The following MON2 variants were observed in gnomAD, a reference collection of about 807,000 sequenced individuals.
MON2 encodes the protein protein MON2 homolog.
A neutral mutation model predicts 208.6 loss-of-function variants in MON2; 84 were observed. The observed-to-expected ratio is 0.40, with a 90% CI of 0.34 to 0.48. The LOEUF (loss-of-function observed/expected upper bound fraction) is 0.48. Ranked by LOEUF, MON2 falls within the 20% of genes least tolerant of loss-of-function variation. The pLI is 0.59. For synonymous variants in MON2, 660 were observed against 694.0 expected (o/e 0.95, Z 0.77); for missense variants, 1,611 against 2,015.4 (o/e 0.80, Z 3.84).
In MON2 at chr12:62,594,485, C is replaced by G. The variant is rs576336008; in HGVS notation, c.*1736C>G. On this transcript the variant is annotated 3_prime_UTR_variant, in exon 35 of 35. Transcript: ENST00000393630. ...TTCCTTAAAGTTGTAAAAAATCAAG[C>G]TATGTACTTATTTTCTATATTTGGG... The G allele has an allele frequency of 3.7e-4, 56 of 152,230 alleles. No individual in the cohort carries two copies. The highest frequency in any genetic ancestry group is 1.3e-3 in the African/African-American group (56 of 41,544). The allele number at this position is 152,230 out of a possible 1,614,324, so 9.4% of individuals were successfully genotyped here. A position where few individuals can be genotyped will look rare whatever the true frequency, so the allele number is the denominator to read the frequency against.
At chr12:62,548,218 G>T (rs1014843435) in intron 22 of MON2, among the ~76,000 whole-genome samples, 6 of 152,192 alleles carry the variant, frequency 3.9e-5, no homozygotes, top group African/African-American at 9.7e-5. Flanking sequence ...GGCTACAAGT[G>T]CTCACTAGAA....
At chr12:62,496,061 A>G (rs1166607818) in intron 4 of MON2, among the ~76,000 whole-genome samples, 4 of 152,200 alleles carry the variant, frequency 2.6e-5, no homozygotes, top group African/African-American at 9.6e-5. Context: ...TAGCTTTATT[A>G]TAATTTGCAT....
chr12:62,501,381 T>TAAA (rs2070822359), intron 6 of MON2, among the ~76,000 whole-genome samples, 192 bp from the exon 7 acceptor site: 1 of 152,350 alleles, frequency 6.6e-6, no homozygotes, highest in East Asian at 1.9e-4. Flanking sequence ...GTTATATGAT[T>TAAA]CTTTAGAAGT....
At chr12:62,561,730 T>A (rs187209743) in intron 26 of MON2, among the ~76,000 whole-genome samples, 3 of 152,254 alleles carry the variant, frequency 2.0e-5, no homozygotes, top group Admixed American at 2.0e-4. Context: ...CAATTCACAG[T>A]CATCAAAATG....
intron 22 of MON2, among the ~76,000 whole-genome samples, chr12:62,549,319 CTTTTA>C (rs1365391939): frequency 6.6e-6 from 1 of 151,902 alleles, no homozygotes; most frequent in African/African-American, 2.4e-5. Context: ...TTACACATTT[CTTTTA>C]AATGCATAAG....
At chr12:62,550,909 CTTTTTTTTTT>C (rs869160726) in intron 23 of MON2, among the ~76,000 whole-genome samples, 35 of 43,814 alleles carry the variant, frequency 8.0e-4, no homozygotes, top group Admixed American at 1.5e-3. Context: ...TTCTTTCTTT[CTTTTTTTTTT>C]TTTTTTTTTT....
At chr12:62,538,027 T>G (rs538149483) in intron 16 of MON2, 69 bp from the exon 17 acceptor site, 1 of 1,407,622 alleles carries the variant, frequency 7.1e-7, no homozygotes, top group East Asian at 2.4e-5. Context: ...CTACTGATTT[T>G]AATTTTAGTT....
intron 32 of MON2, among the ~76,000 whole-genome samples, chr12:62,583,801 A>G (rs1057393778): frequency 1.3e-5 from 2 of 150,902 alleles, no homozygotes; most frequent in Non-Finnish European, 3.0e-5. Flanking sequence ...AAAAAAAAAA[A>G]ATACAAAAAT....
chr12:62,510,299 G>A (rs1207937545), intron 8 of MON2, among the ~76,000 whole-genome samples: 1 of 151,924 alleles, frequency 6.6e-6, no homozygotes, highest in African/African-American at 2.4e-5. Flanking sequence ...TATGAGGCCA[G>A]CGTTAATACC....
intron 14 of MON2, among the ~76,000 whole-genome samples, chr12:62,536,082 G>T (rs1013984840): frequency 6.6e-6 from 1 of 151,912 alleles, no homozygotes; most frequent in Non-Finnish European, 1.5e-5. Flanking sequence ...ATCTGAAATC[G>T]GAAACAGTTG....
intron 8 of MON2, among the ~76,000 whole-genome samples, chr12:62,515,826 A>G (rs1243445478): frequency 1.3e-5 from 2 of 152,158 alleles, no homozygotes; most frequent in East Asian, 3.9e-4. Context: ...AGGAAAAAAA[A>G]AAAAGTTCTA....
chr12:62,526,342 C>G (rs1326837909), intron 11 of MON2, among the ~76,000 whole-genome samples: 1 of 152,054 alleles, frequency 6.6e-6, no homozygotes, highest in Non-Finnish European at 1.5e-5. Context: ...ACATATGGAC[C>G]TATTAGCTCT....
At chr12:62,565,920 T>A (rs2074367336) in intron 27 of MON2, 94 bp from the exon 28 acceptor site, 2 of 1,211,312 alleles carry the variant, frequency 1.7e-6, no homozygotes, top group Non-Finnish European at 2.3e-6. Flanking sequence ...TCACTCAACA[T>A]AAAAATTATA....
intron 8 of MON2, 40 bp from the exon 9 acceptor site, chr12:62,524,471 CTCTT>C: frequency 6.8e-6 from 10 of 1,476,582 alleles, no homozygotes; most frequent in Non-Finnish European, 9.4e-6. Flanking sequence ...TATAATTCTT[CTCTT>C]TGATTCAAAG....
chr12:62,562,539 T>C (rs1452114729), intron 26 of MON2, among the ~76,000 whole-genome samples: 1 of 152,098 alleles, frequency 6.6e-6, no homozygotes, highest in Non-Finnish European at 1.5e-5. Context: ...TAAATGATGT[T>C]TCATAGACCT....
In MON2 at chr12:62,580,301, T is replaced by C; in HGVS notation, c.4580T>C (p.Val1527Ala). ...CATTTGCCTCTTTTGTTTTAGGTAG[T>C]TCAACTTATCAGCAATGAGATACTA... ...QRNENIDVEV[V>A]QLISNEILPY... is the part of the protein sequence containing the mutation. Residue 1527 changes from valine (V) to alanine (A), a missense_variant, in exon 32 of 35, where the codon GTT becomes GCT. Transcript: ENST00000393630. 1 of 1,610,052 alleles carries C rather than the reference T, an allele frequency of 6.2e-7. No individual in the cohort carries two copies. The highest frequency in any genetic ancestry group is 8.5e-7 in the Non-Finnish European group (1 of 1,177,942).
At chr12:62,493,780 A>G in intron 2 of MON2, 135 bp from the exon 3 acceptor site, 1 of 580,410 alleles carries the variant, frequency 1.7e-6, no homozygotes. Context: ...TTGGTACTTG[A>G]TTTTTGTTTT....
chr12:62,473,317 AAATGGTGG>A (rs2068888088), intron 1 of MON2, among the ~76,000 whole-genome samples: 1 of 16,456 alleles, frequency 6.1e-5, no homozygotes, highest in Non-Finnish European at 1.1e-4. Flanking sequence ...TAAAGCTGGA[AAATGGTGG>A]AAATGGTGGA....
intron 30 of MON2, among the ~76,000 whole-genome samples, chr12:62,576,503 AT>A (rs2074791349): frequency 1.3e-5 from 2 of 152,098 alleles, no homozygotes; most frequent in African/African-American, 4.8e-5. Context: ...TTAATATGTC[AT>A]ACAGAGAGAA....
Sources: allele counts gnomAD v4.1 joint callset (sites outside exome capture counted in the v4.1 genomes callset), GRCh38; gene constraint gnomAD v4.1.1; transcripts MANE v1.5; gene names NCBI Gene and HGNC (gene_info 2026-07-23, HGNC 2026-07-21).